Variants in CIT observed in about 807,000 individuals in gnomAD.
CIT encodes citron Rho-interacting kinase.
CIT carries 79 observed loss-of-function variants against 272.7 expected under a neutral mutation model. The observed-to-expected ratio is 0.29, with a 90% confidence interval of 0.24 to 0.35. CIT has a LOEUF of 0.35. CIT is among the 10% of genes least tolerant of loss of function. The pLI, the probability that CIT is intolerant of heterozygous loss-of-function variation, is 1.00. For missense variants in CIT, 1,909 were observed against 2,618.3 expected, an observed-to-expected ratio of 0.73 and a Z score of 5.91; for synonymous variants, 948 against 995.6, an observed-to-expected ratio of 0.95 and a Z score of 0.90.
Position 119,742,612 on chromosome 12 carries a change from C to T in CIT, c.2905-148G>A, listed in dbSNP as rs1959113125. On this transcript the variant is annotated intron_variant, in intron 23 of 47. Coordinates refer to ENST00000392521, the MANE Select transcript of CIT (RefSeq NM_001206999.2). Reference sequence around the variant, plus strand: ...TTTTCTAAGAACTAATTAATCAAATCATCCCCAACACCAGAAATAAGTTAC... The same window carrying T: ...TTTTCTAAGAACTAATTAATCAAATTATCCCCAACACCAGAAATAAGTTAC... 8.9e-6 allele frequency: 5 copies of T among 563,912 alleles called. No homozygotes were observed. The South Asian group carries it at 9.8e-5, about 11-fold the overall frequency. 34.9% of individuals were successfully genotyped at this position (563,912 alleles called of 1,614,324 possible).
At chr12:119,745,059 G>T (rs537802958) in intron 23 of CIT, among the ~76,000 whole-genome samples, 1 of 151,686 alleles carries the variant, frequency 6.6e-6, no homozygotes, top group African/African-American at 2.4e-5. Context: ...AGAAATAATG[G>T]CCACAAATTT....
chr12:119,790,851 C>T (rs571774819), intron 10 of CIT, among the ~76,000 whole-genome samples: 13 of 152,308 alleles, frequency 8.5e-5, no homozygotes, highest in Admixed American at 5.2e-4. Context: ...AACTCTGCTG[C>T]AGTGGCCATT....
At chr12:119,711,136 T>C (rs1425476258) in intron 37 of CIT, 1 of 1,359,300 alleles carries the variant, frequency 7.4e-7, no homozygotes. Context: ...AAAGCTCACG[T>C]GTGAAACGAC....
chr12:119,822,907 A>G lies in CIT; in HGVS notation c.1024T>C (p.Leu342=), dbSNP rs1282621485. 1.2e-6 allele frequency: 2 copies of G among 1,614,054 alleles called. No homozygotes were observed. Among genetic ancestry groups the G allele is most frequent in the Non-Finnish European group, 1.7e-6 (2 of 1,180,022 alleles). ...TTCAGTCTCTCTTTCTGGCCGCACA[A>G]CAAGCTTTGAATCAGATCAAGAAAG... ...SDFLDLIQSL[L]CGQKERLKFE... Residue 342 remains leucine, a synonymous_variant, in exon 9 of 48, where the codon TTG becomes CTG. Coordinates refer to ENST00000392521, the MANE Select transcript of CIT (RefSeq NM_001206999.2).
intron 3 of CIT, among the ~76,000 whole-genome samples, chr12:119,864,559 A>G (rs538242158): frequency 5.9e-5 from 9 of 151,848 alleles, no homozygotes; most frequent in Non-Finnish European, 5.9e-5. Context: ...TTGGTCTCAA[A>G]CTCCTGAGCT....
chr12:119,862,713 G>A lies in CIT; in HGVS notation c.239-5015C>T, dbSNP rs1950377653. ...TAATCCCAGCTACTCAGGAGGCTGA[G>A]GCAGGAGAATTGCTTGAACTCAGGA... is the stretch of plus-strand genomic sequence containing the variant. On this transcript the variant is annotated intron_variant, in intron 3 of 47. Transcript: ENST00000392521. Among the ~76,000 whole-genome samples the A allele has an allele frequency of 2.0e-5, 3 of 146,518 alleles. No homozygotes were observed. The South Asian group carries it at 6.6e-4, about 32-fold the overall frequency.
chr12:119,730,999 C>A (rs760583710), intron 26 of CIT, among the ~76,000 whole-genome samples: 1 of 151,738 alleles, frequency 6.6e-6, no homozygotes, highest in African/African-American at 2.4e-5. Context: ...TGGTGGCGTG[C>A]GCCCCTAAAC....
rs971046691 is a variant in CIT, at chr12:119,767,106, T to C, written c.2285A>G (p.His762Arg). ...LEVHLKQKEQ[H>R]YEEKIKVLDN... is the part of the protein sequence containing the mutation. ...CTTTACTTTAATCTTTTCCTCATAG[T>C]GCTGCTCTTTCTGTTTCAGGTGCAC... The change falls in exon 19 of 48, where the codon CAC (histidine) becomes CGC (arginine). Residue 762 changes from histidine to arginine, a missense_variant. By Grantham distance (29) the His-to-Arg change is conservative. This residue lies in a region of CIT where 530 missense variants were observed against 822.4 expected (regional missense o/e 0.64). Coordinates refer to ENST00000392521, the MANE Select transcript of CIT (RefSeq NM_001206999.2). The C allele has an allele frequency of 6.2e-7, 1 of 1,611,126 alleles. No individual in the cohort carries two copies. The highest frequency in any genetic ancestry group is 1.7e-5 in the Admixed American group (1 of 59,674).
intron 47 of CIT, among the ~76,000 whole-genome samples, chr12:119,689,666 C>CT (rs531946559): frequency 0.04 from 2,981 of 74,890 alleles, 595 homozygotes; most frequent in African/African-American, 0.074. Context: ...TTAGGAAGCT[C>CT]TTTTTTTTTT....
At position 119,705,771 on chromosome 12, in the gene CIT, CAAAAAAAAAAA is replaced by C. The variant is rs148188101; in HGVS notation, c.5212-1327_5212-1317del. Among the ~76,000 whole-genome samples, 224 of 46,622 alleles carry C rather than the reference CAAAAAAAAAAA, an allele frequency of 4.8e-3. 2 individuals are homozygous for C. The highest frequency in any genetic ancestry group is 0.013 in the African/African-American group (179 of 14,286). 30.6% of individuals were successfully genotyped at this position (46,622 alleles called of 152,430 possible). A position where few individuals can be genotyped will look rare whatever the true frequency, so the allele number is the denominator to read the frequency against. On this transcript the variant is annotated intron_variant, in intron 40 of 47. Transcript: ENST00000392521. ...TGGGTGACAGAGTGAGACTCTGTCTCAAAAAAAAAAAAAAAAAAAAAAAAAAAAAAAATTTT... is the reference window on the plus strand; with the variant it reads ...TGGGTGACAGAGTGAGACTCTGTCTCAAAAAAAAAAAAAAAAAAAAATTTT...
chr12:119,691,374 T>A (rs1565890792), intron 46 of CIT, among the ~76,000 whole-genome samples: 1 of 152,142 alleles, frequency 6.6e-6, no homozygotes, highest in Non-Finnish European at 1.5e-5. Flanking sequence ...CTGATCACTG[T>A]TAACTGCCAT....
At position 119,760,939 on chromosome 12, in the gene CIT, C is replaced by T. The variant is rs777515694; in HGVS notation, c.2421G>A (p.Ala807=). 4.4e-6 allele frequency: 7 copies of T among 1,606,278 alleles called. No individual in the cohort carries two copies. The highest frequency in any genetic ancestry group is 1.1e-5 in the South Asian group (1 of 90,924). The change falls in exon 20 of 48, where the codon GCG becomes GCA. Residue 807 remains alanine (A), a splice_region_variant and synonymous_variant. Coordinates refer to ENST00000392521, the MANE Select transcript of CIT (RefSeq NM_001206999.2). ...EKGKILSEQK[A]MINAMDSKIR... ...TGGCTTGGCAACTCCTTCTACCTAC[C>T]GCCTTCTGTTCGCTGAGAATTTTGC... is the stretch of plus-strand genomic sequence containing the variant.
intron 10 of CIT, among the ~76,000 whole-genome samples, chr12:119,795,479 A>G (rs1965656087): frequency 6.6e-6 from 1 of 152,220 alleles, no homozygotes; most frequent in African/African-American, 2.4e-5. Flanking sequence ...CCCAAGCATC[A>G]TGATCATCAT....
chr12:119,704,020 C>G (rs1296574793), intron 41 of CIT, among the ~76,000 whole-genome samples: 2 of 152,038 alleles, frequency 1.3e-5, no homozygotes, highest in East Asian at 1.9e-4. Flanking sequence ...CCTGGGACTG[C>G]TAGGATCTTA....
At chr12:119,767,398 G>T (rs1033577530) in intron 18 of CIT, among the ~76,000 whole-genome samples, 1 of 152,182 alleles carries the variant, frequency 6.6e-6, no homozygotes, top group Non-Finnish European at 1.5e-5. Flanking sequence ...ACACATAGCT[G>T]GTGGGCTGTA....
At chr12:119,731,892 G>A (rs1206127419) in intron 26 of CIT, among the ~76,000 whole-genome samples, 1 of 149,852 alleles carries the variant, frequency 6.7e-6, no homozygotes. Context: ...CTGGAGTTCA[G>A]TGGCGTGATC....
intron 5 of CIT, among the ~76,000 whole-genome samples, chr12:119,843,550 G>T (rs1032691416): frequency 6.6e-6 from 1 of 152,058 alleles, no homozygotes; most frequent in Non-Finnish European, 1.5e-5. Context: ...GGTGGTTCAC[G>T]CCTGTAATTC....
intron 23 of CIT, among the ~76,000 whole-genome samples, chr12:119,748,908 T>C (rs1959823694): frequency 6.6e-6 from 1 of 152,228 alleles, no homozygotes; most frequent in Non-Finnish European, 1.5e-5. Context: ...ACACATCGTG[T>C]GCTATAAGGT....
At chr12:119,812,462 C>T (rs1966857202) in intron 9 of CIT, among the ~76,000 whole-genome samples, 1 of 151,652 alleles carries the variant, frequency 6.6e-6, no homozygotes, top group Non-Finnish European at 1.5e-5. Context: ...TTTTTAGAGA[C>T]AGTGTCTCAC....
Sources: gnomAD v4.1 joint callset for allele counts (sites outside exome capture counted in the v4.1 genomes callset) on GRCh38, gnomAD v4.1.1 for gene constraint, gnomAD v4.1.1 regional missense constraint, MANE v1.5 for transcripts, NCBI Gene and HGNC (gene_info 2026-07-23, HGNC 2026-07-21) for gene names.